Variants in THSD8 observed in about 807,000 individuals in gnomAD.
The protein encoded by THSD8 is thrombospondin type-1 domain-containing protein 8.
rs1229048655 is a variant in THSD8, at chr19:12,804,250, C to A, written c.295C>A (p.Arg99=). The A allele has an allele frequency of 2.5e-6, 1 of 398,402 alleles. No homozygotes were observed. The highest frequency in any genetic ancestry group is 4.4e-6 in the Non-Finnish European group (1 of 226,068). The allele number at this position is 398,402 out of a possible 1,614,324, so 24.7% of individuals were successfully genotyped here. A position where few individuals can be genotyped will look rare whatever the true frequency, so the allele number is the denominator to read the frequency against. The change falls in exon 2 of 2, where the codon CGG becomes AGG. Residue 99 remains arginine, a synonymous_variant. Coordinates refer to ENST00000639810, the MANE Select transcript of THSD8 (RefSeq NM_001386800.1). ...PEKLIQLRPC[R]QRDCPSCKPF... ...GAAGCTGATCCAGTTACGGCCCTGC[C>A]GGCAACGGGATTGTCCATCCTGCAA...
intron 1 of THSD8, among the ~76,000 whole-genome samples, chr19:12,803,543 C>A (rs961682232): frequency 6.6e-6 from 1 of 152,060 alleles, no homozygotes; most frequent in African/African-American, 2.4e-5. Flanking sequence ...GGCCCACTTA[C>A]CCCGTATATG....
At chr19:12,803,284 C>T (rs1010555110) in intron 1 of THSD8, among the ~76,000 whole-genome samples, 6 of 152,094 alleles carry the variant, frequency 3.9e-5, no homozygotes, top group African/African-American at 1.4e-4. Context: ...AATAAACAAA[C>T]TGATCATAAT....
intron 1 of THSD8, 39 bp from the exon 2 acceptor site, chr19:12,804,065 C>G (rs1968944923): frequency 2.5e-6 from 1 of 398,450 alleles, no homozygotes; most frequent in Non-Finnish European, 4.4e-6. Context: ...GGAGTAGGCC[C>G]CCTCCACGTA....
intron 1 of THSD8, among the ~76,000 whole-genome samples, chr19:12,802,795 G>A (rs1439890161): frequency 6.6e-6 from 1 of 152,038 alleles, no homozygotes; most frequent in African/African-American, 2.4e-5. Context: ...GGGGAAAGGG[G>A]CAGATTCAGT....
In THSD8 at chr19:12,802,239, A is replaced by T. The variant is rs558206494; in HGVS notation, c.148+20A>T. 2.5e-6 allele frequency: 1 copy of T among 398,624 alleles called. No individual in the cohort carries two copies. Among genetic ancestry groups the T allele is most frequent in the East Asian group, 3.6e-5 (1 of 28,074 alleles). 24.7% of individuals were successfully genotyped at this position (398,624 alleles called of 1,614,324 possible). A position where few individuals can be genotyped will look rare whatever the true frequency, so the allele number is the denominator to read the frequency against. On this transcript the variant is annotated intron_variant, in intron 1 of 1. Coordinates refer to ENST00000639810, the MANE Select transcript of THSD8 (RefSeq NM_001386800.1). Reference sequence around the variant, plus strand: ...TAAAGGGTAACCTCAGGCGGCGGGGATGACGATGCCCAAAGGCTCCCCGTT... The same window carrying T: ...TAAAGGGTAACCTCAGGCGGCGGGGTTGACGATGCCCAAAGGCTCCCCGTT...
chr19:12,802,568 C>A (rs944466214), intron 1 of THSD8, among the ~76,000 whole-genome samples: 2 of 151,890 alleles, frequency 1.3e-5, no homozygotes, highest in African/African-American at 4.8e-5. Flanking sequence ...ACCAGTGCAG[C>A]GAGAACGACA....
chr19:12,802,742 TGAGTTGGGATAAGATCG>T (rs1194537565), intron 1 of THSD8, among the ~76,000 whole-genome samples: 1 of 151,756 alleles, frequency 6.6e-6, no homozygotes, highest in Admixed American at 6.6e-5. Flanking sequence ...TGGTGAGCGG[TGAGTTGGGATAAGATCG>T]GAGTTGGGAT....
At chr19:12,803,466 G>A (rs1968934092) in intron 1 of THSD8, among the ~76,000 whole-genome samples, 1 of 152,166 alleles carries the variant, frequency 6.6e-6, no homozygotes, top group African/African-American at 2.4e-5. Context: ...GGGCACCAAG[G>A]ATGTTGTAGG....
In THSD8 at chr19:12,804,236, A is replaced by T. The variant is rs913006021; in HGVS notation, c.281A>T (p.Gln94Leu). The change falls in exon 2 of 2, where the codon CAG becomes CTG. Residue 94 changes from glutamine (Q) to leucine (L), a missense_variant. Coordinates refer to ENST00000639810, the MANE Select transcript of THSD8 (RefSeq NM_001386800.1). ...TTCATGGACCCGGAGAAGCTGATCC[A>T]GTTACGGCCCTGCCGGCAACGGGAT... ...PVFMDPEKLI[Q>L]LRPCRQRDCP... 2.5e-6 allele frequency: 1 copy of T among 398,236 alleles called. No individual in the cohort carries two copies. Among genetic ancestry groups the T allele is most frequent in the African/African-American group, 2.1e-5 (1 of 48,534 alleles). The allele number at this position is 398,236 out of a possible 1,614,324, so 24.7% of individuals were successfully genotyped here.
At chr19:12,803,050 A>G (rs1166586821) in intron 1 of THSD8, among the ~76,000 whole-genome samples, 1 of 152,112 alleles carries the variant, frequency 6.6e-6, no homozygotes, top group Non-Finnish European at 1.5e-5. Flanking sequence ...CCTGGGCAAC[A>G]TGGAGAGACC....
At position 12,803,937 on chromosome 19, in the gene THSD8, A is replaced by AAAAAAAAAAAAAAAT. The variant is rs1568385528; in HGVS notation, c.149-166_149-165insAAAAAAAAAAAAATA. On this transcript the variant is annotated intron_variant, in intron 1 of 1. Coordinates refer to ENST00000639810, the MANE Select transcript of THSD8 (RefSeq NM_001386800.1). ...AAAAAAAAAAAAAAAAAAAAAAAAA[A>AAAAAAAAAAAAAAAT]AGCTTAAATGAGATAATCTGTGGCA... Among the ~76,000 whole-genome samples, 2 of 150,210 alleles carry AAAAAAAAAAAAAAAT rather than the reference A, an allele frequency of 1.3e-5. 1 individual carries two copies. The highest frequency in any genetic ancestry group is 4.9e-5 in the African/African-American group (2 of 40,820).
chr19:12,802,249 C>T, intron 1 of THSD8, 30 bp downstream of exon 1: 1 of 398,566 alleles, frequency 2.5e-6, no homozygotes, highest in Non-Finnish European at 4.4e-6. Flanking sequence ...ATGACGATGC[C>T]CAAAGGCTCC....
chr19:12,802,125 G>A lies in THSD8; in HGVS notation c.54G>A (p.Leu18=), dbSNP rs548901441. 2 of 398,736 alleles carry A rather than the reference G, an allele frequency of 5.0e-6. No individual in the cohort carries two copies. Among genetic ancestry groups the A allele is most frequent in the South Asian group, 2.5e-4 (2 of 7,862 alleles). The allele number at this position is 398,736 out of a possible 1,614,324, so 24.7% of individuals were successfully genotyped here. A position where few individuals can be genotyped will look rare whatever the true frequency, so the allele number is the denominator to read the frequency against. ...LLLAPLLLLQ[L]ATPALVYQDY... is the part of the protein sequence containing the mutation. ...TGGCGCCTCTGCTACTCCTGCAGCT[G>A]GCGACCCCTGCCCTGGTCTACCAGG... The change falls in exon 1 of 2, where the codon CTG becomes CTA. Residue 18 remains leucine, a synonymous_variant. Transcript: ENST00000639810.
Position 12,804,221 on chromosome 19 carries a change from C to G in THSD8, c.266C>G (p.Pro89Arg). Residue 89 changes from proline to arginine, a missense_variant, in exon 2 of 2, where the codon CCG (proline) becomes CGG (arginine). By Grantham distance (103) the Pro-to-Arg change is moderately radical (BLOSUM62 -2). Transcript: ENST00000639810. ...GTAPGPVFMD[P>R]EKLIQLRPCR... ...GCGCCGGGCCCGGTTTTCATGGACCCGGAGAAGCTGATCCAGTTACGGCCC... is the reference window on the plus strand; with the variant it reads ...GCGCCGGGCCCGGTTTTCATGGACCGGGAGAAGCTGATCCAGTTACGGCCC... 1 of 398,250 alleles carries G rather than the reference C, an allele frequency of 2.5e-6. No individual in the cohort carries two copies. The highest frequency in any genetic ancestry group is 4.4e-6 in the Non-Finnish European group (1 of 226,016). 24.7% of individuals were successfully genotyped at this position (398,250 alleles called of 1,614,324 possible). A position where few individuals can be genotyped will look rare whatever the true frequency, so the allele number is the denominator to read the frequency against.
Position 12,804,321 on chromosome 19 carries a change from G to A in THSD8, c.*18G>A. 1 of 398,656 alleles carries A rather than the reference G, an allele frequency of 2.5e-6. No homozygotes were observed. Among genetic ancestry groups the A allele is most frequent in the Non-Finnish European group, 4.4e-6 (1 of 226,076 alleles). 24.7% of individuals were successfully genotyped at this position (398,656 alleles called of 1,614,324 possible). A position where few individuals can be genotyped will look rare whatever the true frequency, so the allele number is the denominator to read the frequency against. Reference sequence around the variant, plus strand: ...GGCTCTGAGCCCGGGTGAGAGAGCAGGGCCGGGGCAAGTTGCGGGGCCCAG... The same window carrying A: ...GGCTCTGAGCCCGGGTGAGAGAGCAAGGCCGGGGCAAGTTGCGGGGCCCAG... On this transcript the variant is annotated 3_prime_UTR_variant, in exon 2 of 2. Coordinates refer to ENST00000639810, the MANE Select transcript of THSD8 (RefSeq NM_001386800.1).
intron 1 of THSD8, among the ~76,000 whole-genome samples, 188 bp from the exon 2 acceptor site, chr19:12,803,911 CAAAAA>C (rs761806696): frequency 2.0e-4 from 7 of 34,866 alleles, no homozygotes; most frequent in African/African-American, 4.6e-4. Context: ...GACCCTGTCT[CAAAAA>C]AAAAAAAAAA....
intron 1 of THSD8, among the ~76,000 whole-genome samples, chr19:12,803,758 A>C (rs936534459): frequency 6.6e-6 from 1 of 151,808 alleles, no homozygotes; most frequent in African/African-American, 2.4e-5. Flanking sequence ...AAAAAATACA[A>C]AAAATTAGCC....
Position 12,804,130 on chromosome 19 carries a change from T to C in THSD8, c.175T>C (p.Trp59Arg). 1 of 398,160 alleles carries C rather than the reference T, an allele frequency of 2.5e-6. No homozygotes were observed. The highest frequency in any genetic ancestry group is 4.4e-5 in the Admixed American group (1 of 22,670). The allele number at this position is 398,160 out of a possible 1,614,324, so 24.7% of individuals were successfully genotyped here. A position where few individuals can be genotyped will look rare whatever the true frequency, so the allele number is the denominator to read the frequency against. The change falls in exon 2 of 2, where the codon TGG becomes CGG. Residue 59 changes from tryptophan to arginine, a missense_variant. Physicochemically the swap from Trp to Arg is moderately radical, Grantham distance 101 (BLOSUM62 -3). Coordinates refer to ENST00000639810, the MANE Select transcript of THSD8 (RefSeq NM_001386800.1). ...AGTCGAGGACTCAATCCTTGGCCCG[T>C]GGGGAAAGTGGCGGTGTCTCTGCGA... ...KEVEDSILGP[W>R]GKWRCLCDLG... is the part of the protein sequence containing the mutation.
intron 1 of THSD8, among the ~76,000 whole-genome samples, 181 bp from the exon 2 acceptor site, chr19:12,803,911 CAAAAAAAAAAAA>C (rs761806696): frequency 0.034 from 1,192 of 34,896 alleles, 21 homozygotes; most frequent in Non-Finnish European, 0.044. Context: ...GACCCTGTCT[CAAAAAAAAAAAA>C]AAAAAAAAAA....
Sources: gnomAD v4.1 joint callset for allele counts (sites outside exome capture counted in the v4.1 genomes callset) on GRCh38, gnomAD v4.1.1 for gene constraint, MANE v1.5 for transcripts, NCBI Gene and HGNC (gene_info 2026-07-23, HGNC 2026-07-21) for gene names.